The following GCA variants were observed in gnomAD, a reference collection of about 807,000 sequenced individuals.
GCA encodes the protein grancalcin, EF-hand calcium-binding protein.
In GCA, 30 loss-of-function variants were observed where a neutral mutation model predicts 32.6. That is an observed-to-expected ratio of 0.92 (90% CI 0.69 to 1.25). The LOEUF is 1.25. Among genes scored for constraint, GCA ranks in the 50% most tolerant of loss-of-function variants. GCA has a pLI of 0.00. For synonymous variants in GCA, 102 were observed against 84.6 expected, an observed-to-expected ratio of 1.21 and a Z score of -1.13; for missense variants, 291 against 266.8, an observed-to-expected ratio of 1.09 and a Z score of -0.63.
upstream of GCA, among the ~76,000 whole-genome samples, chr2:162,342,590 C>A (rs971839168): frequency 6.6e-6 from 1 of 152,130 alleles, no homozygotes; most frequent in Non-Finnish European, 1.5e-5. Context: ...CAAACTTTGC[C>A]CTGGCAGGAA....
At chr2:162,327,254 T>G (rs1683916849) in intron 1 of GCA, among the ~76,000 whole-genome samples, 1 of 152,190 alleles carries the variant, frequency 6.6e-6, no homozygotes, top group African/African-American at 2.4e-5. Context: ...AGTGGCTATT[T>G]GTATCTGTTT....
chr2:162,371,200 T>C lies in GCA; in HGVS notation c.366-106T>C. ...ATGCAATTGGTGACATAATTTTAAA[T>C]AGAAAGACCTTTGTTCTCATTACTG... On this transcript the variant is annotated intron_variant, in intron 4 of 4. Coordinates refer to the GCA transcript ENST00000414723. 2 of 386,498 alleles carry C rather than the reference T, an allele frequency of 5.2e-6. 1 individual carries two copies. Among genetic ancestry groups the C allele is most frequent in the South Asian group, 4.3e-5 (2 of 46,834 alleles). 23.9% of individuals were successfully genotyped at this position (386,498 alleles called of 1,614,324 possible).
upstream of GCA, among the ~76,000 whole-genome samples, chr2:162,342,956 T>G (rs915941175): frequency 3.9e-5 from 6 of 152,242 alleles, no homozygotes; most frequent in Non-Finnish European, 8.8e-5. Context: ...TAAGTATTTC[T>G]TACAGCATTG....
chr2:162,361,615 G>A lies in GCA; in HGVS notation c.*1372G>A. ...CACTTAAAAAAATCCTGGAAAGGAAGTAACGCATAGTCACTTGACACTGAT... is the reference window on the plus strand; with the variant it reads ...CACTTAAAAAAATCCTGGAAAGGAAATAACGCATAGTCACTTGACACTGAT... On this transcript the variant is annotated 3_prime_UTR_variant, in exon 8 of 8. Transcript: ENST00000437150. The A allele has an allele frequency of 3.1e-6, 3 of 982,984 alleles. No individual in the cohort carries two copies. The highest frequency in any genetic ancestry group is 3.6e-6 in the Non-Finnish European group (3 of 827,900). The allele number at this position is 982,984 out of a possible 1,614,324, so 60.9% of individuals were successfully genotyped here.
chr2:162,350,884 A>G lies in GCA; in HGVS notation c.193-1454A>G, dbSNP rs913013215. Among the ~76,000 whole-genome samples the G allele has an allele frequency of 2.6e-5, 4 of 152,286 alleles. No homozygotes were observed. In the East Asian group the frequency reaches 5.8e-4, roughly 22 times the overall value. On this transcript the variant is annotated intron_variant, in intron 2 of 7. Transcript: ENST00000437150. ...ATTAACTATCCCATTTTCAATTTTTAGTCTAAATATTTAGACTGTATTTTT... is the reference window on the plus strand; with the variant it reads ...ATTAACTATCCCATTTTCAATTTTTGGTCTAAATATTTAGACTGTATTTTT...
chr2:162,344,056 C>G (rs1183929803), upstream of GCA: 1 of 627,624 alleles, frequency 1.6e-6, no homozygotes, highest in East Asian at 2.7e-5. Flanking sequence ...AAGTGTGGGA[C>G]TCAGCCAATC....
chr2:162,354,298 T>C (rs1050641637), intron 3 of GCA, among the ~76,000 whole-genome samples: 1 of 152,198 alleles, frequency 6.6e-6, no homozygotes, highest in East Asian at 1.9e-4. Context: ...TGGGTGTCAG[T>C]ATCTTTAGGG....
intron 4 of GCA, among the ~76,000 whole-genome samples, chr2:162,369,757 C>G (rs1685867156): frequency 2.0e-5 from 3 of 152,034 alleles, no homozygotes; most frequent in Admixed American, 2.0e-4. Flanking sequence ...AAATGTGTCC[C>G]AATATGGAAA....
chr2:162,328,320 A>G (rs1683961490), intron 1 of GCA, among the ~76,000 whole-genome samples: 1 of 147,208 alleles, frequency 6.8e-6, no homozygotes, highest in South Asian at 2.1e-4. Context: ...TGAACCTGGT[A>G]GGTGGAGGTT....
chr2:162,365,892 A>AT (rs1685735555), downstream of GCA, among the ~76,000 whole-genome samples: 4 of 151,600 alleles, frequency 2.6e-5, no homozygotes, highest in African/African-American at 4.8e-5. Context: ...TGAGGGAGTT[A>AT]ATTATAAGAT....
chr2:162,334,801 G>A (rs1208172504), intron 1 of GCA, among the ~76,000 whole-genome samples: 2 of 152,136 alleles, frequency 1.3e-5, no homozygotes, highest in Non-Finnish European at 2.9e-5. Flanking sequence ...GTGAATAAAT[G>A]AACATCAAAT....
intron 1 of GCA, among the ~76,000 whole-genome samples, chr2:162,320,556 A>T (rs963532253): frequency 6.6e-6 from 1 of 152,356 alleles, no homozygotes; most frequent in African/African-American, 2.4e-5. Flanking sequence ...TATTTTCTTC[A>T]TACCACTTAA....
intron 2 of GCA, among the ~76,000 whole-genome samples, chr2:162,350,071 G>A (rs1390586079): frequency 6.6e-6 from 1 of 152,062 alleles, no homozygotes. Context: ...TAGAGGCTGG[G>A]GAACTATAAT....
intron 1 of GCA, among the ~76,000 whole-genome samples, chr2:162,330,173 C>T (rs1684026471): frequency 6.6e-6 from 1 of 152,108 alleles, no homozygotes; most frequent in Non-Finnish European, 1.5e-5. Flanking sequence ...AACTTTTATT[C>T]CTTTGGGTAT....
chr2:162,357,056 T>G, intron 5 of GCA, 151 bp downstream of exon 5: 1 of 528,684 alleles, frequency 1.9e-6, no homozygotes. Flanking sequence ...AGGTAAATTC[T>G]GACCAAAGAC....
At chr2:162,333,611 A>G (rs1465728291) in intron 1 of GCA, among the ~76,000 whole-genome samples, 1 of 152,146 alleles carries the variant, frequency 6.6e-6, no homozygotes, top group African/African-American at 2.4e-5. Context: ...TATTCATACT[A>G]TGTGAGAGAT....
chr2:162,356,873 AT>A lies in GCA; in HGVS notation c.423del (p.His142MetfsTer14), dbSNP rs777139230. 1 of 1,610,168 alleles carries A rather than the reference AT, an allele frequency of 6.2e-7. No homozygotes were observed. The highest frequency in any genetic ancestry group is 8.5e-7 in the Non-Finnish European group (1 of 1,177,396). ...VDQDGSGTVEHHELRQAIGLM... is the reference protein window; with the variant it reads ...VDQDGSGTVEXHELRQAIGLM... Reference sequence around the variant, plus strand: ...CAAGATGGAAGTGGCACAGTAGAACATCATGAGTTGCGTCAAGCCATTGGTC... The same window carrying A: ...CAAGATGGAAGTGGCACAGTAGAACACATGAGTTGCGTCAAGCCATTGGTC... On this transcript the variant is annotated frameshift_variant, in exon 5 of 8. Transcript: ENST00000437150. LOFTEE classifies it high-confidence loss of function.
intron 2 of GCA, among the ~76,000 whole-genome samples, chr2:162,350,656 T>C (rs1303820211): frequency 6.6e-6 from 1 of 152,180 alleles, no homozygotes; most frequent in Non-Finnish European, 1.5e-5. Context: ...GAAACTCTTT[T>C]TGACTGCTGA....
intron 1 of GCA, among the ~76,000 whole-genome samples, chr2:162,330,037 GTA>G (rs1361060477): frequency 1.3e-5 from 2 of 152,128 alleles, no homozygotes; most frequent in East Asian, 3.8e-4. Flanking sequence ...GTTTTCAATG[GTA>G]TATATGTACT....
Sources: gnomAD v4.1 joint callset for allele counts (sites outside exome capture counted in the v4.1 genomes callset) on GRCh38, gnomAD v4.1.1 for gene constraint, MANE v1.5 for transcripts, NCBI Gene and HGNC (gene_info 2026-07-23, HGNC 2026-07-21) for gene names.